MVD: variants seen among roughly 807,000 people sequenced by gnomAD.
MVD encodes diphosphomevalonate decarboxylase.
MVD carries 52 observed loss-of-function variants against 42.4 expected under a neutral mutation model. The observed-to-expected ratio is 1.23, with a 90% CI of 0.98 to 1.55. The LOEUF (loss-of-function observed/expected upper bound fraction) is 1.55. Among genes scored for constraint, MVD ranks in the 40% most tolerant of loss-of-function variants. The probability of loss-of-function intolerance (pLI) is 0.00; values close to 1 mark genes in which losing one functional copy is unlikely to be tolerated. For synonymous variants in MVD, 287 were observed against 243.2 expected, an observed-to-expected ratio of 1.18 and a Z score of -1.68; for missense variants, 663 against 572.1, an observed-to-expected ratio of 1.16 and a Z score of -1.62.
chr16:88,658,121 C>A lies in MVD; in HGVS notation c.142-92G>T, dbSNP rs1426675296. Reference sequence around the variant, plus strand: ...TTCTACTGAGAGAGCCTCATGGCTGCCCACTCGAGCAAGGTCAGCCCTGCT... The same window carrying A: ...TTCTACTGAGAGAGCCTCATGGCTGACCACTCGAGCAAGGTCAGCCCTGCT... On this transcript the variant is annotated intron_variant, in intron 2 of 9. Coordinates refer to ENST00000301012, the MANE Select transcript of MVD (RefSeq NM_002461.3). 21 of 1,293,138 alleles carry A rather than the reference C, an allele frequency of 1.6e-5. No individual in the cohort carries two copies. In the Middle Eastern group the frequency reaches 1.1e-3, roughly 70 times the overall value. The allele number at this position is 1,293,138 out of a possible 1,614,324, so 80.1% of individuals were successfully genotyped here. A position where few individuals can be genotyped will look rare whatever the true frequency, so the allele number is the denominator to read the frequency against.
rs749272249 is a variant in MVD at position 88,662,681 on chromosome 16, A to G, written c.70+330T>C. The G allele has an allele frequency of 3.8e-6, 5 of 1,328,350 alleles. No individual in the cohort carries two copies. The South Asian group carries it at 6.8e-5, about 18-fold the overall frequency. 82.3% of individuals were successfully genotyped at this position (1,328,350 alleles called of 1,614,324 possible). ...CTCAGCCTCCCGAGTAGCTGGAGCC[A>G]CAAACGCGCACCACCACGGCGGATT... On this transcript the variant is annotated intron_variant, in intron 1 of 9. Coordinates refer to ENST00000301012, the MANE Select transcript of MVD (RefSeq NM_002461.3).
rs367970302 is a variant in MVD at position 88,655,187 on chromosome 16, G to A, written c.897+12C>T. On this transcript the variant is annotated intron_variant, in intron 7 of 9. Transcript: ENST00000301012. ...GCGCGAGCGCAGCCTCTGCCCTCCC[G>A]GCCCGCGTCACCTTGGTGTCCCCGT... is the stretch of plus-strand genomic sequence containing the variant. 1.2e-4 allele frequency: 193 copies of A among 1,552,926 alleles called. 1 individual carries two copies. The highest frequency in any genetic ancestry group is 7.5e-4 in the South Asian group (63 of 84,232).
At chr16:88,659,878 A>G (rs1908180367) in intron 1 of MVD, among the ~76,000 whole-genome samples, 1 of 151,942 alleles carries the variant, frequency 6.6e-6, no homozygotes, top group Admixed American at 6.6e-5. Flanking sequence ...GAGGCGGGAA[A>G]ATCGCTTGAA....
chr16:88,655,629 C>T (rs766998828), intron 6 of MVD, 27 bp downstream of exon 6: 5 of 1,547,608 alleles, frequency 3.2e-6, no homozygotes, highest in Non-Finnish European at 4.4e-6. Flanking sequence ...CTCCCAGGGC[C>T]CCGGGACCAC....
chr16:88,656,228 G>T lies in MVD; in HGVS notation c.480C>A (p.Cys160Ter). 1.2e-6 allele frequency: 2 copies of T among 1,600,346 alleles called. No homozygotes were observed. Among genetic ancestry groups the T allele is most frequent in the African/African-American group, 1.3e-5 (1 of 75,060 alleles). Residue 160 changes from cysteine (C) to a stop codon, truncating the protein, a stop_gained, in exon 5 of 10, where the codon TGC becomes TGA. Transcript: ENST00000301012. LOFTEE classifies it high-confidence loss of function. ...CCACAAAGCCCCCATACAGGCTCCG[G>T]CAGGCGCTGCCTGAGCCCCGGCGAG... ...EVARRGSGSA[C>*]RSLYGGFVEW...
rs754867024 is a variant in MVD at position 88,656,144 on chromosome 16, G to A, written c.564C>T (p.Pro188=). Residue 188 remains proline, a synonymous_variant, in exon 5 of 10, where the codon CCC becomes CCT. Coordinates refer to ENST00000301012, the MANE Select transcript of MVD (RefSeq NM_002461.3). ...GKDSIARQVA[P]ESHWPELRVL... ...CGCGGAGTTCAGGCCAGTGTGACTC[G>A]GGGGCCACTTGCCGAGCGATGCTGT... 13 of 1,601,842 alleles carry A rather than the reference G, an allele frequency of 8.1e-6. No homozygotes were observed. The East Asian group carries it at 8.9e-5, about 11-fold the overall frequency.
At position 88,651,985 on chromosome 16, in the gene MVD, G is replaced by C. The variant is rs141242477; in HGVS notation, c.*540C>G. 1,082 of 191,480 alleles carry C rather than the reference G, an allele frequency of 5.7e-3. 5 individuals are homozygous for C. Among genetic ancestry groups the C allele is most frequent in the Non-Finnish European group, 7.3e-3 (653 of 89,432 alleles). 11.9% of individuals were successfully genotyped at this position (191,480 alleles called of 1,614,324 possible). A position where few individuals can be genotyped will look rare whatever the true frequency, so the allele number is the denominator to read the frequency against. On this transcript the variant is annotated 3_prime_UTR_variant, in exon 10 of 10. Transcript: ENST00000301012. ...CCCCATGGCCACCGGGGCCGCACTG[G>C]TGCCCACTCCTGCCACCATTCCAGC...
intron 1 of MVD, among the ~76,000 whole-genome samples, chr16:88,659,735 G>A (rs1326731826): frequency 6.6e-6 from 1 of 152,172 alleles, no homozygotes; most frequent in Non-Finnish European, 1.5e-5. Context: ...GGAGGTCGAG[G>A]TGGGCAGATC....
chr16:88,657,132 G>GC lies in MVD; in HGVS notation c.403+303_403+304insG, dbSNP rs755347821. ...GATTTTTTTATTTTTTGTAGAGATG[G>GC]GGGGGGGTCTCACTATGTTGCCCAG... On this transcript the variant is annotated intron_variant, in intron 4 of 9. Transcript: ENST00000301012. 2.4e-4 allele frequency: 110 copies of GC among 464,410 alleles called. 2 individuals carry two copies. The highest frequency in any genetic ancestry group is 1.2e-3 in the South Asian group (57 of 47,004). The allele number at this position is 464,410 out of a possible 1,614,324, so 28.8% of individuals were successfully genotyped here.
In MVD at chr16:88,662,666, C is replaced by G. The variant is rs538449082; in HGVS notation, c.70+345G>C. 8.9e-5 allele frequency: 115 copies of G among 1,295,008 alleles called. 1 individual carries two copies. In the South Asian group the frequency reaches 1.5e-3, roughly 17 times the overall value. 80.2% of individuals were successfully genotyped at this position (1,295,008 alleles called of 1,614,324 possible). ...TGGCCATCCTCCCGCCTCAGCCTCC[C>G]GAGTAGCTGGAGCCACAAACGCGCA... On this transcript the variant is annotated intron_variant, in intron 1 of 9. Coordinates refer to ENST00000301012, the MANE Select transcript of MVD (RefSeq NM_002461.3).
At chr16:88,659,140 A>C in intron 1 of MVD, 1 of 208,132 alleles carries the variant, frequency 4.8e-6, no homozygotes, top group Non-Finnish European at 1.0e-5. Context: ...CAGCACGGCC[A>C]TGGGACAGCA....
chr16:88,653,197 A>C, intron 9 of MVD, 103 bp downstream of exon 9: 1 of 840,508 alleles, frequency 1.2e-6, no homozygotes, highest in Non-Finnish European at 1.9e-6. Flanking sequence ...GAGACACGGT[A>C]GGGACAGGGA....
At chr16:88,662,895 G>C in intron 1 of MVD, 116 bp downstream of exon 1, 1 of 1,494,690 alleles carries the variant, frequency 6.7e-7, no homozygotes, top group South Asian at 1.3e-5. Context: ...CAGTTTCCCC[G>C]TCTGTCGAGG....
intron 6 of MVD, 58 bp from the exon 7 acceptor site, chr16:88,655,475 C>T (rs1907854413): frequency 4.6e-6 from 7 of 1,530,982 alleles, no homozygotes; most frequent in East Asian, 2.4e-5. Flanking sequence ...GCAGAGGGTT[C>T]GAGGAGAGAC....
At chr16:88,657,288 T>A (rs1273171200) in intron 4 of MVD, 148 bp downstream of exon 4, 1 of 1,129,110 alleles carries the variant, frequency 8.9e-7, no homozygotes, top group Admixed American at 2.0e-5. Context: ...GGGAAGAGAC[T>A]GAACAACTCC....
intron 4 of MVD, chr16:88,657,137 G>GC (rs553741059): frequency 4.5e-5 from 27 of 601,934 alleles, no homozygotes; most frequent in African/African-American, 2.0e-4. Context: ...AGATGGGGGG[G>GC]GGTCTCACTA....
chr16:88,653,372 G>C lies in MVD; in HGVS notation c.1050C>G (p.Leu350=). Residue 350 remains leucine, a synonymous_variant, in exon 9 of 10, where the codon CTC becomes CTG. Transcript: ENST00000301012. ...LKGLQVRPAP[L]SAELQAALAM... ...CCAGCGCAGCCTGAAGCTCAGCTGA[G>C]AGAGGGGCCGGCCTCACCTGCAGCC... is the stretch of plus-strand genomic sequence containing the variant. 6.3e-7 allele frequency: 1 copy of C among 1,599,922 alleles called. No homozygotes were observed. Among genetic ancestry groups the C allele is most frequent in the Non-Finnish European group, 8.5e-7 (1 of 1,176,428 alleles).
At chr16:88,653,459 C>G in intron 8 of MVD, 51 bp from the exon 9 acceptor site, 3 of 1,398,588 alleles carry the variant, frequency 2.1e-6, no homozygotes, top group Non-Finnish European at 2.9e-6. Flanking sequence ...CTCTAAGCGT[C>G]TACAACAGTC....
chr16:88,656,444 G>C lies in MVD; in HGVS notation c.404-140C>G, dbSNP rs1907936019. The stretch of plus-strand genomic sequence containing the variant: ...CAGGGCTTCTGGGCCATCAGCCTTT[G>C]AGGCCAGCATTCACCGGCCCAGCCG... On this transcript the variant is annotated intron_variant, in intron 4 of 9. Transcript: ENST00000301012. 1.2e-5 allele frequency: 11 copies of C among 893,226 alleles called. No individual in the cohort carries two copies. The South Asian group carries it at 1.6e-4, about 13-fold the overall frequency. The allele number at this position is 893,226 out of a possible 1,614,324, so 55.3% of individuals were successfully genotyped here.
Sources: allele counts gnomAD v4.1 joint callset (sites outside exome capture counted in the v4.1 genomes callset), GRCh38; gene constraint gnomAD v4.1.1; transcripts MANE v1.5; gene names NCBI Gene and HGNC (gene_info 2026-07-23, HGNC 2026-07-21).